Variants in CARD19 observed in about 807,000 individuals in gnomAD.
CARD19 encodes caspase recruitment domain-containing protein 19.
In CARD19, 25 loss-of-function variants were observed where a neutral mutation model predicts 24.1. The observed-to-expected ratio is 1.04, with a 90% CI of 0.76 to 1.45. The LOEUF is 1.45. Ranked by LOEUF, CARD19 falls within the 40% of genes most tolerant of loss-of-function variation. The pLI is 0.00. For synonymous variants in CARD19, 103 were observed against 104.9 expected (o/e 0.98, Z 0.11); for missense variants, 241 against 247.4 (o/e 0.97, Z 0.17).
chr9:93,103,991 C>T (rs1381118167), intron 1 of CARD19, among the ~76,000 whole-genome samples: 1 of 152,170 alleles, frequency 6.6e-6, no homozygotes, highest in Non-Finnish European at 1.5e-5. Flanking sequence ...ATAGCATCTT[C>T]TAGACCTAAT....
chr9:93,112,353 C>A, intron 5 of CARD19, 64 bp downstream of exon 5: 1 of 1,421,760 alleles, frequency 7.0e-7, no homozygotes, highest in Non-Finnish European at 9.6e-7. Flanking sequence ...GCCAGGGCCC[C>A]AGACCCTGCC....
intron 1 of CARD19, among the ~76,000 whole-genome samples, chr9:93,104,734 T>C (rs1430820841): frequency 2.0e-5 from 3 of 152,224 alleles, no homozygotes; most frequent in Non-Finnish European, 4.4e-5. Flanking sequence ...TCCAATTTAT[T>C]GGTATACAAA....
chr9:93,112,221 C>G lies in CARD19; in HGVS notation c.368C>G (p.Pro123Arg). The change falls in exon 5 of 6, where the codon CCC (proline) becomes CGC (arginine). Residue 123 changes from proline (P) to arginine (R), a missense_variant. Coordinates refer to ENST00000375464, the MANE Select transcript of CARD19 (RefSeq NM_032310.5). ...SQSGELSNRG[P>R]MSFLAGLGLA... Reference sequence around the variant, plus strand: ...GTTCACGCTGGTTTCTCCCCAGGACCCATGAGCTTCCTGGCTGGCCTGGGC... The same window carrying G: ...GTTCACGCTGGTTTCTCCCCAGGACGCATGAGCTTCCTGGCTGGCCTGGGC... The G allele has an allele frequency of 6.5e-7, 1 of 1,545,076 alleles. No individual in the cohort carries two copies. The highest frequency in any genetic ancestry group is 8.7e-7 in the Non-Finnish European group (1 of 1,146,948).
intron 1 of CARD19, among the ~76,000 whole-genome samples, chr9:93,101,790 T>C (rs1587637913): frequency 6.6e-6 from 1 of 152,022 alleles, no homozygotes; most frequent in African/African-American, 2.4e-5. Context: ...ACTGTTTTTT[T>C]CCACAGTGGC....
At chr9:93,109,406 T>C (rs952800413) in intron 2 of CARD19, among the ~76,000 whole-genome samples, 8 of 151,676 alleles carry the variant, frequency 5.3e-5, no homozygotes, top group African/African-American at 1.9e-4. Flanking sequence ...CCCAGTGGCC[T>C]GTCCACTGAC....
At position 93,112,099 on chromosome 9, in the gene CARD19, G is replaced by A. The variant is rs1827515542; in HGVS notation, c.365-119G>A. The stretch of plus-strand genomic sequence containing the variant: ...GACCCCCCCCCTAAGGTGCTCGTTT[G>A]GGGGCTCTTCAGGCAGCACCTCAGC... On this transcript the variant is annotated intron_variant, in intron 4 of 5. Transcript: ENST00000375464. 3 of 1,343,068 alleles carry A rather than the reference G, an allele frequency of 2.2e-6. No individual in the cohort carries two copies. In the South Asian group the frequency reaches 3.8e-5, roughly 17 times the overall value. 83.2% of individuals were successfully genotyped at this position (1,343,068 alleles called of 1,614,324 possible). A position where few individuals can be genotyped will look rare whatever the true frequency, so the allele number is the denominator to read the frequency against.
At chr9:93,104,205 T>G (rs4743884) in intron 1 of CARD19, among the ~76,000 whole-genome samples, 77,882 of 152,178 alleles carry the variant, frequency 0.51, 23,874 homozygotes, top group Admixed American at 0.68. Context: ...CTGAATTTGA[T>G]TTGCTGGATT....
At chr9:93,101,173 G>T (rs930290580) in intron 1 of CARD19, among the ~76,000 whole-genome samples, 2 of 152,094 alleles carry the variant, frequency 1.3e-5, no homozygotes. Context: ...CGCCTCCTGG[G>T]TTCAAGTGAT....
intron 1 of CARD19, among the ~76,000 whole-genome samples, chr9:93,105,299 G>GTTTGTT (rs1827215080): frequency 2.0e-5 from 3 of 151,828 alleles, no homozygotes; most frequent in East Asian, 3.9e-4. Context: ...TTGTTTGTTT[G>GTTTGTT]AGACAGAGTC....
intron 2 of CARD19, 172 bp from the exon 3 acceptor site, chr9:93,110,396 C>A: frequency 9.5e-7 from 1 of 1,055,566 alleles, no homozygotes; most frequent in Non-Finnish European, 1.3e-6. Context: ...GAGGCAATGC[C>A]AGGCACTATG....
chr9:93,107,676 C>G lies in CARD19; in HGVS notation c.10C>G (p.Gln4Glu), dbSNP rs1230850952. 6.2e-7 allele frequency: 1 copy of G among 1,614,200 alleles called. No homozygotes were observed. The highest frequency in any genetic ancestry group is 8.5e-7 in the Non-Finnish European group (1 of 1,180,018). ...TGACCCTGTGCTATCTGTTTTAGAT[C>G]AGACCTATTGTGACCGCCTGGTGCA... The part of the protein sequence containing the change: MTD[Q>E]TYCDRLVQDT... Residue 4 changes from glutamine (Q) to glutamate (E), a missense_variant and splice_region_variant, in exon 2 of 6, where the codon CAG (glutamine) becomes GAG (glutamate). Gln to Glu is a conservative substitution (Grantham distance 29). Transcript: ENST00000375464.
At position 93,096,948 on chromosome 9, in the gene CARD19, G is replaced by A. The variant is rs1826891104; in HGVS notation, c.7+596G>A. 6.6e-6 allele frequency among the ~76,000 whole-genome samples: 1 copy of A among 152,172 alleles called. No homozygotes were observed. Among genetic ancestry groups the A allele is most frequent in the African/African-American group, 2.4e-5 (1 of 41,442 alleles). ...TAGTTCTAAGAGAATCGGGGACAGC[G>A]ACTGGACCCCCCAAGGTTGTTGTGC... is the stretch of plus-strand genomic sequence containing the variant. On this transcript the variant is annotated intron_variant, in intron 1 of 5. Transcript: ENST00000375464. The surrounding 1 kb of genome is among the most constrained non-coding windows in gnomAD (Gnocchi z 5.4).
At position 93,099,690 on chromosome 9, in the gene CARD19, C is replaced by T. The variant is rs115109136; in HGVS notation, c.7+3338C>T. ...TGCCCAGCTGGGCCTGTCCATGTGG[C>T]CTTGGCAGGTCACTTGACGTCCCTG... On this transcript the variant is annotated intron_variant, in intron 1 of 5. Coordinates refer to ENST00000375464, the MANE Select transcript of CARD19 (RefSeq NM_032310.5). Among the ~76,000 whole-genome samples the T allele has an allele frequency of 4.6e-3, 699 of 152,352 alleles. 2 individuals carry two copies. The highest frequency in any genetic ancestry group is 0.014 in the African/African-American group (602 of 41,574).
At chr9:93,111,111 C>A in intron 3 of CARD19, 1 of 1,265,978 alleles carries the variant, frequency 7.9e-7, no homozygotes. Flanking sequence ...CTAGGCGGTC[C>A]CAGCTGGAAT....
chr9:93,111,306 A>G, intron 3 of CARD19: 1 of 1,141,646 alleles, frequency 8.8e-7, no homozygotes, highest in Non-Finnish European at 1.1e-6. Flanking sequence ...CTGGGCCCAC[A>G]GAGCTGCTGG....
intron 2 of CARD19, chr9:93,110,367 A>T: frequency 1.3e-6 from 1 of 777,772 alleles, no homozygotes; most frequent in Non-Finnish European, 2.0e-6. Flanking sequence ...TATGAGGAGT[A>T]GCAGTGATGC....
chr9:93,107,936 CAGG>C, intron 2 of CARD19, 120 bp downstream of exon 2: 1 of 1,332,428 alleles, frequency 7.5e-7, no homozygotes, highest in Non-Finnish European at 1.0e-6. Context: ...CTAGGTATGT[CAGG>C]ATTCAGAGGT....
In CARD19 at chr9:93,110,603, C is replaced by T. The variant is rs17593496; in HGVS notation, c.186C>T (p.Leu62=). Residue 62 remains leucine (L), a synonymous_variant, in exon 3 of 6, where the codon CTC becomes CTT. Transcript: ENST00000375464. ...CCAAGGCATCCTTGCGTGTGCGGCT[C>T]TGTGACCTCCTGAGCCACCTGCAGC... ...RNPKASLRVR[L]CDLLSHLQRS... 213,798 of 1,612,818 alleles carry T rather than the reference C, an allele frequency of 0.13. 15,469 individuals carry two copies. The highest frequency in any genetic ancestry group is 0.15 in the Non-Finnish European group (178,185 of 1,179,222).
intron 2 of CARD19, among the ~76,000 whole-genome samples, chr9:93,108,772 C>T (rs1827357943): frequency 6.6e-6 from 1 of 152,264 alleles, no homozygotes; most frequent in African/African-American, 2.4e-5. Flanking sequence ...TGGCCCTGGC[C>T]TCTCAGAGCT....
Sources: allele counts gnomAD v4.1 joint callset (sites outside exome capture counted in the v4.1 genomes callset), GRCh38; gene constraint gnomAD v4.1.1; non-coding constraint Gnocchi (gnomAD v3.1); transcripts MANE v1.5; gene names NCBI Gene and HGNC (gene_info 2026-07-23, HGNC 2026-07-21).